The following CCNB1 variants were observed in gnomAD, a reference collection of about 807,000 sequenced individuals.
CCNB1 encodes the protein cyclin B1, also known as G2/mitotic-specific cyclin-B1.
A neutral mutation model predicts 44.4 loss-of-function variants in CCNB1; 26 were observed. The ratio of observed to expected loss-of-function variants is 0.59; its 90% CI spans 0.43 to 0.81. CCNB1 has a LOEUF of 0.81. Among genes scored for constraint, CCNB1 ranks in the 40% least tolerant of loss-of-function variants. The pLI is 0.00. For synonymous variants in CCNB1, 195 were observed against 181.4 expected (o/e 1.08, Z -0.60); for missense variants, 477 against 520.9 (o/e 0.92, Z 0.82).
intron 5 of CCNB1, 88 bp from the exon 6 acceptor site, chr5:69,174,789 G>C: frequency 6.0e-6 from 6 of 1,002,036 alleles, no homozygotes; most frequent in Non-Finnish European, 7.7e-6. Flanking sequence ...ATTTTGCTAT[G>C]GGAGAATGTC....
At chr5:69,177,400 A>G (rs992054159) in intron 8 of CCNB1, 51 bp downstream of exon 8, 8 of 1,332,650 alleles carry the variant, frequency 6.0e-6, no homozygotes, top group Non-Finnish European at 7.5e-6. Context: ...AATAATTCAA[A>G]CTTAATGCCT....
Position 69,167,990 on chromosome 5 carries a change from C to G in CCNB1, c.104C>G (p.Ser35Cys), listed in dbSNP as rs1461394662. 6.2e-7 allele frequency: 1 copy of G among 1,614,238 alleles called. No individual in the cohort carries two copies. The highest frequency in any genetic ancestry group is 8.5e-7 in the Non-Finnish European group (1 of 1,180,042). ...KRVPTAPAAT[S>C]KPGLRPRTAL... Reference sequence around the variant, plus strand: ...GTTCCTACGGCCCCTGCTGCAACCTCCAAGCCCGGACTGAGGCCAAGAACA... The same window carrying G: ...GTTCCTACGGCCCCTGCTGCAACCTGCAAGCCCGGACTGAGGCCAAGAACA... Residue 35 changes from serine (S) to cysteine (C), a missense_variant, in exon 2 of 9, where the codon TCC becomes TGC. Transcript: ENST00000256442.
chr5:69,175,117 C>T lies in CCNB1; in HGVS notation c.942+4C>T. 1 of 1,604,430 alleles carries T rather than the reference C, an allele frequency of 6.2e-7. No individual in the cohort carries two copies. Among genetic ancestry groups the T allele is most frequent in the Non-Finnish European group, 8.5e-7 (1 of 1,172,034 alleles). ...GAGAGCATCTAAGATTGGAGAGGTACAGGTTTCTTGAGAAACCTCTCCGTA... is the reference window on the plus strand; with the variant it reads ...GAGAGCATCTAAGATTGGAGAGGTATAGGTTTCTTGAGAAACCTCTCCGTA... On this transcript the variant is annotated splice_donor_region_variant and intron_variant, in intron 6 of 8. Transcript: ENST00000256442.
intron 1 of CCNB1, among the ~76,000 whole-genome samples, chr5:69,167,697 A>G (rs1404119205): frequency 6.6e-6 from 1 of 152,148 alleles, no homozygotes; most frequent in Admixed American, 6.5e-5. Flanking sequence ...GCCAGGACTA[A>G]TCAGGGAATC....
chr5:69,167,320 T>C (rs776555979), intron 1 of CCNB1, 37 bp downstream of exon 1: 1 of 1,602,102 alleles, frequency 6.2e-7, no homozygotes, highest in South Asian at 1.1e-5. Context: ...CGCGGCCTTC[T>C]TAGCTGCTGC....
In CCNB1 at chr5:69,175,457, G is replaced by A; in HGVS notation, c.1003G>A (p.Asp335Asn). The A allele has an allele frequency of 1.9e-6, 3 of 1,614,070 alleles. No homozygotes were observed. The highest frequency in any genetic ancestry group is 1.7e-6 in the Non-Finnish European group (2 of 1,179,916). The change falls in exon 7 of 9, where the codon GAC (aspartate) becomes AAC (asparagine). Residue 335 changes from aspartate (D) to asparagine (N), a missense_variant. Transcript: ENST00000256442. ...GATGGAACTAACTATGTTGGACTAT[G>A]ACATGGTGCACTTTCCTCCTTCTCA... ...YLMELTMLDY[D>N]MVHFPPSQIA...
At position 69,175,261 on chromosome 5, in the gene CCNB1, G is replaced by A. The variant is rs866658912; in HGVS notation, c.943-136G>A. On this transcript the variant is annotated intron_variant, in intron 6 of 8. Coordinates refer to ENST00000256442, the MANE Select transcript of CCNB1 (RefSeq NM_031966.4). ...TTCTTTATTTCTAGTCAGGCTGCAT[G>A]TTAATATTAGGACTTTCCATGGGCA... The A allele has an allele frequency of 1.2e-5, 13 of 1,046,386 alleles. No homozygotes were observed. The South Asian group carries it at 1.8e-4, about 15-fold the overall frequency. The allele number at this position is 1,046,386 out of a possible 1,614,324, so 64.8% of individuals were successfully genotyped here. A position where few individuals can be genotyped will look rare whatever the true frequency, so the allele number is the denominator to read the frequency against.
rs529919035 is a variant in CCNB1 at position 69,175,448 on chromosome 5, T to A, written c.994T>A (p.Leu332Met). ...CAAATACCTGATGGAACTAACTATG[T>A]TGGACTATGACATGGTGCACTTTCC... ...LAKYLMELTM[L>M]DYDMVHFPPS... is the part of the protein sequence containing the mutation. The change falls in exon 7 of 9, where the codon TTG becomes ATG. Residue 332 changes from leucine to methionine, a missense_variant. Leu to Met is a conservative substitution (Grantham distance 15, BLOSUM62 2). Coordinates refer to ENST00000256442, the MANE Select transcript of CCNB1 (RefSeq NM_031966.4). The A allele has an allele frequency of 1.9e-5, 30 of 1,614,080 alleles. No individual in the cohort carries two copies. The South Asian group carries it at 2.3e-4, about 12-fold the overall frequency.
Position 69,167,235 on chromosome 5 carries a change from T to G in CCNB1, c.-28T>G. 4 of 1,558,506 alleles carry G rather than the reference T, an allele frequency of 2.6e-6. No homozygotes were observed. The highest frequency in any genetic ancestry group is 3.5e-6 in the Non-Finnish European group (4 of 1,151,782). ...CCTCCGGTGTTCTGCTTCTCCCCGC[T>G]GAGCTGCTGCCTGGTGAAGAGGAAG... On this transcript the variant is annotated 5_prime_UTR_variant, in exon 1 of 9. Coordinates refer to ENST00000256442, the MANE Select transcript of CCNB1 (RefSeq NM_031966.4).
intron 3 of CCNB1, among the ~76,000 whole-genome samples, chr5:69,169,186 T>C (rs917283494): frequency 6.6e-6 from 1 of 152,102 alleles, no homozygotes; most frequent in African/African-American, 2.4e-5. Context: ...TTTTCCTGCC[T>C]CAGCCTCCCT....
intron 5 of CCNB1, 89 bp from the exon 6 acceptor site, chr5:69,174,788 T>TCA: frequency 1.0e-6 from 1 of 988,896 alleles, no homozygotes; most frequent in Non-Finnish European, 1.6e-6. Flanking sequence ...GATTTTGCTA[T>TCA]GGGAGAATGT....
In CCNB1 at chr5:69,167,223, G is replaced by C; in HGVS notation, c.-40G>C. ...TGGCTGGTCGGGCCTCCGGTGTTCTGCTTCTCCCCGCTGAGCTGCTGCCTG... is the reference window on the plus strand; with the variant it reads ...TGGCTGGTCGGGCCTCCGGTGTTCTCCTTCTCCCCGCTGAGCTGCTGCCTG... On this transcript the variant is annotated 5_prime_UTR_variant, in exon 1 of 9. Transcript: ENST00000256442. The C allele has an allele frequency of 1.3e-6, 2 of 1,541,958 alleles. No individual in the cohort carries two copies. The highest frequency in any genetic ancestry group is 1.7e-6 in the Non-Finnish European group (2 of 1,143,608).
chr5:69,168,387 G>C (rs566464581), intron 3 of CCNB1, 44 bp downstream of exon 3: 1 of 1,608,574 alleles, frequency 6.2e-7, no homozygotes, highest in South Asian at 1.1e-5. Context: ...ATTATTTCTT[G>C]TCCCTTATTT....
intron 7 of CCNB1, among the ~76,000 whole-genome samples, chr5:69,175,982 A>AATATATAAAATATATAT (rs1747577710): frequency 8.6e-6 from 1 of 116,408 alleles, no homozygotes; most frequent in Non-Finnish European, 1.7e-5. Flanking sequence ...AAATATATAA[A>AATATATAAAATATATAT]ATATATATAT....
At chr5:69,169,524 TAGTA>T (rs1369316316) in intron 3 of CCNB1, among the ~76,000 whole-genome samples, 1 of 152,218 alleles carries the variant, frequency 6.6e-6, no homozygotes, top group African/African-American at 2.4e-5. Context: ...CTTTCCCACT[TAGTA>T]AGAATGCCTT....
Position 69,177,567 on chromosome 5 carries a change from G to A in CCNB1, c.1238G>A (p.Ser413Asn). 1 of 1,613,814 alleles carries A rather than the reference G, an allele frequency of 6.2e-7. No homozygotes were observed. The highest frequency in any genetic ancestry group is 8.5e-7 in the Non-Finnish European group (1 of 1,179,744). The change falls in exon 9 of 9, where the codon AGC (serine) becomes AAC (asparagine). Residue 413 changes from serine to asparagine, a missense_variant. Coordinates refer to ENST00000256442, the MANE Select transcript of CCNB1 (RefSeq NM_031966.4). ...GCCACATCGAAGCATGCTAAGATCAGCACTCTACCACAGCTGAATTCTGCA... is the reference window on the plus strand; with the variant it reads ...GCCACATCGAAGCATGCTAAGATCAACACTCTACCACAGCTGAATTCTGCA... ...KYATSKHAKI[S>N]TLPQLNSALV...
At chr5:69,177,085 C>G in intron 7 of CCNB1, 154 bp from the exon 8 acceptor site, 1 of 501,688 alleles carries the variant, frequency 2.0e-6, no homozygotes, top group East Asian at 3.1e-5. Context: ...ATGAGAGCAC[C>G]TAGGAAAGGA....
chr5:69,175,498 T>G lies in CCNB1; in HGVS notation c.1044T>G (p.Ala348=), dbSNP rs1450930541. 1.2e-6 allele frequency: 2 copies of G among 1,614,152 alleles called. No individual in the cohort carries two copies. The change falls in exon 7 of 9, where the codon GCT becomes GCG. Residue 348 remains alanine, a synonymous_variant. Coordinates refer to ENST00000256442, the MANE Select transcript of CCNB1 (RefSeq NM_031966.4). ...HFPPSQIAAG[A]FCLALKILDN... ...CTCCTTCTCAAATTGCAGCAGGAGC[T>G]TTTTGCTTAGCACTGAAAATTCTGG... is the stretch of plus-strand genomic sequence containing the variant.
intron 3 of CCNB1, among the ~76,000 whole-genome samples, chr5:69,170,423 C>T (rs528914130): frequency 7.2e-5 from 11 of 152,104 alleles, no homozygotes; most frequent in Admixed American, 3.9e-4. Flanking sequence ...TGGTTAATGG[C>T]GATGAAGTTA....
Sources: allele counts gnomAD v4.1 joint callset (sites outside exome capture counted in the v4.1 genomes callset), GRCh38; gene constraint gnomAD v4.1.1; transcripts MANE v1.5; gene names NCBI Gene and HGNC (gene_info 2026-07-23, HGNC 2026-07-21).